The following ASS1 variants were observed in gnomAD, a reference collection of about 807,000 sequenced individuals.
The protein encoded by ASS1 is argininosuccinate synthase.
Under a neutral mutation model 60.5 loss-of-function variants are expected in ASS1, and 58 were observed. That is an observed-to-expected ratio of 0.96 (90% confidence interval 0.78 to 1.19). ASS1 has a LOEUF of 1.19. Among genes scored for constraint, ASS1 ranks in the 50% most tolerant of loss-of-function variants. ASS1 has a pLI of 0.00. For missense variants in ASS1, 454 were observed against 547.3 expected (o/e 0.83, Z 1.70); for synonymous variants, 200 against 206.9 (o/e 0.97, Z 0.29).
intron 8 of ASS1, among the ~76,000 whole-genome samples, chr9:130,473,640 C>A (rs1046558594): frequency 6.6e-6 from 1 of 152,178 alleles, no homozygotes; most frequent in African/African-American, 2.4e-5. Flanking sequence ...CCCTGTCCCC[C>A]TCGGGATGAG....
intron 6 of ASS1, 32 bp downstream of exon 6, chr9:130,466,831 T>C: frequency 1.2e-6 from 2 of 1,607,970 alleles, no homozygotes; most frequent in Non-Finnish European, 1.7e-6. Context: ...ACCCCCAACC[T>C]TTCCCTATAG....
rs145288815 is a variant in ASS1 at position 130,499,542 on chromosome 9, A to G, written c.1165A>G (p.Thr389Ala). ...VQGDYEPTDA[T>A]GFININSLRL... Reference sequence around the variant, plus strand: ...GGGTGATTATGAGCCAACTGATGCCACCGGGTTCATCAACATCAATTCCCT... The same window carrying G: ...GGGTGATTATGAGCCAACTGATGCCGCCGGGTTCATCAACATCAATTCCCT... The change falls in exon 14 of 15, where the codon ACC becomes GCC. Residue 389 changes from threonine to alanine, a missense_variant. Coordinates refer to ENST00000352480, the MANE Select transcript of ASS1 (RefSeq NM_054012.4). The G allele has an allele frequency of 1.6e-4, 257 of 1,613,688 alleles. No homozygotes were observed. Among genetic ancestry groups the G allele is most frequent in the Non-Finnish European group, 2.0e-5 (24 of 1,179,924 alleles).
chr9:130,454,288 C>T lies in ASS1; in HGVS notation c.106-17C>T. On this transcript the variant is annotated splice_polypyrimidine_tract_variant and intron_variant, in intron 2 of 14. Transcript: ENST00000352480. The stretch of plus-strand genomic sequence containing the variant: ...CCCCCCAGGGGCTGACGGAGCCTCT[C>T]CGCTTCTGCTTCTCAGGCCAACATT... The T allele has an allele frequency of 6.2e-7, 1 of 1,607,272 alleles. No homozygotes were observed. The highest frequency in any genetic ancestry group is 8.5e-7 in the Non-Finnish European group (1 of 1,177,520).
chr9:130,479,373 AGAAGGTGCT>A, intron 9 of ASS1, among the ~76,000 whole-genome samples: 1 of 152,324 alleles, frequency 6.6e-6, no homozygotes, highest in South Asian at 2.1e-4. Flanking sequence ...CTGGTGGGAC[AGAAGGTGCT>A]CCCGGCGTAA....
At chr9:130,482,517 T>C (rs1361306811) in intron 11 of ASS1, among the ~76,000 whole-genome samples, 3 of 151,716 alleles carry the variant, frequency 2.0e-5, no homozygotes, top group Non-Finnish European at 4.4e-5. Context: ...TGAAAGTGTA[T>C]TGCCTTCCCT....
rs999411828 is a variant in ASS1, at chr9:130,494,927, G to A, written c.1031G>A (p.Arg344Gln). The A allele has an allele frequency of 6.2e-6, 10 of 1,613,444 alleles. No individual in the cohort carries two copies. Among genetic ancestry groups the A allele is most frequent in the African/African-American group, 4.0e-5 (3 of 74,926 alleles). The change falls in exon 13 of 15, where the codon CGA becomes CAA. Residue 344 changes from arginine to glutamine, a missense_variant. Transcript: ENST00000352480. This position sits in a 1 kb window ranked among gnomAD's most constrained non-coding sequence, Gnocchi z 4.3. ...CACTGCATCGCCAAGTCCCAGGAGCGAGTGGAAGGGAAAGTGCAGGTGTCC... is the reference window on the plus strand; with the variant it reads ...CACTGCATCGCCAAGTCCCAGGAGCAAGTGGAAGGGAAAGTGCAGGTGTCC... ...VRHCIAKSQE[R>Q]VEGKVQVSVL...
At chr9:130,496,818 C>T (rs1846615261) in intron 13 of ASS1, among the ~76,000 whole-genome samples, 1 of 152,168 alleles carries the variant, frequency 6.6e-6, no homozygotes, top group Non-Finnish European at 1.5e-5. Flanking sequence ...GTCACCTGGC[C>T]AAACTAGAGA....
chr9:130,463,883 C>A (rs962716522), intron 4 of ASS1, among the ~76,000 whole-genome samples: 3 of 151,962 alleles, frequency 2.0e-5, no homozygotes, highest in African/African-American at 7.3e-5. Context: ...CCTGCACCCA[C>A]CCACGTGACA....
At chr9:130,446,587 G>T (rs1050601273) in intron 1 of ASS1, among the ~76,000 whole-genome samples, 1 of 152,250 alleles carries the variant, frequency 6.6e-6, no homozygotes, top group African/African-American at 2.4e-5. Context: ...CGTCGTGAGA[G>T]GGAAGGGGAG....
At chr9:130,466,439 C>G (rs1845745179) in intron 5 of ASS1, 1 of 517,680 alleles carries the variant, frequency 1.9e-6, no homozygotes, top group African/African-American at 1.9e-5. Flanking sequence ...ACTCTCAGGT[C>G]TCATCTGGGG....
chr9:130,494,937 GA>G lies in ASS1; in HGVS notation c.1044del (p.Val349CysfsTer27). 6.2e-7 allele frequency: 1 copy of G among 1,613,642 alleles called. No individual in the cohort carries two copies. The highest frequency in any genetic ancestry group is 8.5e-7 in the Non-Finnish European group (1 of 1,179,966). On this transcript the variant is annotated frameshift_variant, in exon 13 of 15. Transcript: ENST00000352480. LOFTEE classifies it high-confidence loss of function. This position sits in a 1 kb window ranked among gnomAD's most constrained non-coding sequence, Gnocchi z 4.3. ...IAKSQERVEG[K>X]VQVSVLKGQV... Reference sequence around the variant, plus strand: ...CCAAGTCCCAGGAGCGAGTGGAAGGGAAAGTGCAGGTGTCCGTCCTCAAGGG... The same window carrying G: ...CCAAGTCCCAGGAGCGAGTGGAAGGGAAGTGCAGGTGTCCGTCCTCAAGGG...
chr9:130,479,035 T>C (rs1846093975), intron 9 of ASS1, among the ~76,000 whole-genome samples: 2 of 152,312 alleles, frequency 1.3e-5, no homozygotes, highest in East Asian at 1.9e-4. Context: ...AATACATTTA[T>C]TGCTCATTTC....
intron 11 of ASS1, among the ~76,000 whole-genome samples, chr9:130,484,697 T>C (rs977960119): frequency 6.6e-6 from 1 of 151,928 alleles, no homozygotes; most frequent in African/African-American, 2.4e-5. Context: ...TCATAGTCTT[T>C]TAGCATCAGG....
rs545152974 is a variant in ASS1 at position 130,478,929 on chromosome 9, C to T, written c.689-787C>T. On this transcript the variant is annotated intron_variant, in intron 9 of 14. Coordinates refer to ENST00000352480, the MANE Select transcript of ASS1 (RefSeq NM_054012.4). This position sits in a 1 kb window ranked among gnomAD's most constrained non-coding sequence, Gnocchi z 4.7. ...GAGGCCTGATTGGCACCCGATGGCT[C>T]GCTCCATGGTAATGAGCCGGGCAGA... Among the ~76,000 whole-genome samples the T allele has an allele frequency of 3.3e-5, 5 of 152,304 alleles. No individual in the cohort carries two copies. Among genetic ancestry groups the T allele is most frequent in the South Asian group, 4.2e-4 (2 of 4,818 alleles).
chr9:130,495,360 A>T (rs902945781), intron 13 of ASS1, among the ~76,000 whole-genome samples: 4 of 151,878 alleles, frequency 2.6e-5, no homozygotes, highest in Non-Finnish European at 4.4e-5. Context: ...AGGTGGGAAG[A>T]TTGCTTGAGC....
chr9:130,496,593 TAAAAAAAAA>T (rs56807719), intron 13 of ASS1, among the ~76,000 whole-genome samples: 3 of 105,962 alleles, frequency 2.8e-5, no homozygotes, highest in East Asian at 2.6e-4. Context: ...ACTGTCTCTT[TAAAAAAAAA>T]AAAAAAAAAA....
intron 11 of ASS1, among the ~76,000 whole-genome samples, chr9:130,483,052 A>ATCC (rs1408138126): frequency 6.6e-6 from 1 of 152,166 alleles, no homozygotes; most frequent in East Asian, 1.9e-4. Context: ...TGGGTTGGGG[A>ATCC]GAGAAGACAA....
chr9:130,452,279 C>G lies in ASS1; in HGVS notation c.51C>G (p.Thr17=). Residue 17 remains threonine (T), a synonymous_variant, in exon 2 of 15, where the codon ACC becomes ACG. Transcript: ENST00000352480. ...TGGCCTACAGTGGCGGCCTGGACAC[C>G]TCGTGCATCCTCGTGTGGCTGAAGG... ...VVLAYSGGLD[T]SCILVWLKEQ... is the part of the protein sequence containing the mutation. The G allele has an allele frequency of 6.2e-7, 1 of 1,614,190 alleles. No individual in the cohort carries two copies. Among genetic ancestry groups the G allele is most frequent in the Non-Finnish European group, 8.5e-7 (1 of 1,180,030 alleles).
At position 130,472,045 on chromosome 9, in the gene ASS1, G is replaced by T. The variant is rs535780456; in HGVS notation, c.597+530G>T. Among the ~76,000 whole-genome samples, 33 of 152,258 alleles carry T rather than the reference G, an allele frequency of 2.2e-4. No homozygotes were observed. In the South Asian group the frequency reaches 6.6e-3, roughly 31 times the overall value. On this transcript the variant is annotated intron_variant, in intron 8 of 14. Transcript: ENST00000352480. ...GGCCCTCAGCTCTGTTTGAAGTTTCGGGTTTCTCTCCCGGGGGTAGGGGGC... is the reference window on the plus strand; with the variant it reads ...GGCCCTCAGCTCTGTTTGAAGTTTCTGGTTTCTCTCCCGGGGGTAGGGGGC...
Sources: gnomAD v4.1 joint callset for allele counts (sites outside exome capture counted in the v4.1 genomes callset) on GRCh38, gnomAD v4.1.1 for gene constraint, Gnocchi (gnomAD v3.1) non-coding constraint, MANE v1.5 for transcripts, NCBI Gene and HGNC (gene_info 2026-07-23, HGNC 2026-07-21) for gene names.